The following TMEM144 variants were observed in gnomAD, a reference collection of about 807,000 sequenced individuals.
TMEM144 encodes transmembrane protein 144.
In TMEM144, 39 loss-of-function variants were observed where a neutral mutation model predicts 43.6. The observed-to-expected ratio is 0.90, with a 90% confidence interval of 0.69 to 1.17. TMEM144 has a LOEUF of 1.17. Ranked by LOEUF, TMEM144 falls within the 50% of genes most tolerant of loss-of-function variation. The pLI is 0.00. For synonymous variants in TMEM144, 154 were observed against 133.6 expected (o/e 1.15, Z -1.06); for missense variants, 417 against 411.9 (o/e 1.01, Z -0.11).
intron 12 of TMEM144, among the ~76,000 whole-genome samples, chr4:158,247,889 T>C (rs529238221): frequency 6.8e-6 from 1 of 146,642 alleles, no homozygotes; most frequent in South Asian, 2.2e-4. Context: ...GAGTAGGTCC[T>C]AAAGTTTGGC....
chr4:158,221,498 A>C (rs907171722), intron 6 of TMEM144, among the ~76,000 whole-genome samples: 11 of 152,230 alleles, frequency 7.2e-5, no homozygotes, highest in Non-Finnish European at 1.3e-4. Context: ...AGCAGAGCTG[A>C]CACCAAGAAA....
chr4:158,252,279 C>T (rs1251922624), intron 12 of TMEM144, among the ~76,000 whole-genome samples: 2 of 152,172 alleles, frequency 1.3e-5, no homozygotes, highest in East Asian at 3.9e-4. Context: ...GCACCCCATA[C>T]ATAACTGAGC....
intron 6 of TMEM144, among the ~76,000 whole-genome samples, chr4:158,221,712 T>C (rs914011937): frequency 3.3e-5 from 5 of 152,228 alleles, no homozygotes; most frequent in African/African-American, 1.2e-4. Flanking sequence ...TCTATTATTT[T>C]ACCTTGTGAG....
intron 12 of TMEM144, among the ~76,000 whole-genome samples, chr4:158,249,344 T>A (rs1736063431): frequency 6.6e-6 from 1 of 152,244 alleles, no homozygotes; most frequent in Non-Finnish European, 1.5e-5. Flanking sequence ...CACAGGCAGT[T>A]ACTACCACAA....
chr4:158,253,486 A>T lies in TMEM144; in HGVS notation c.997A>T (p.Ile333Phe). The T allele has an allele frequency of 6.2e-7, 1 of 1,613,894 alleles. No individual in the cohort carries two copies. Among genetic ancestry groups the T allele is most frequent in the Non-Finnish European group, 8.5e-7 (1 of 1,179,888 alleles). ...ATTAATGATACTTGCATTTTGCATCATCTTGACTGGAGCCTTATGCACTGC... is the reference window on the plus strand; with the variant it reads ...ATTAATGATACTTGCATTTTGCATCTTCTTGACTGGAGCCTTATGCACTGC... ...YLLMILAFCI[I>F]LTGALCTAFS... Residue 333 changes from isoleucine (I) to phenylalanine (F), a missense_variant, in exon 13 of 13, where the codon ATC becomes TTC. Transcript: ENST00000296529.
At chr4:158,247,807 TA>T (rs1223963684) in intron 12 of TMEM144, among the ~76,000 whole-genome samples, 5 of 151,914 alleles carry the variant, frequency 3.3e-5, no homozygotes, top group Non-Finnish European at 7.4e-5. Flanking sequence ...CTGTTATAAT[TA>T]GGTAGTTCTC....
intron 6 of TMEM144, among the ~76,000 whole-genome samples, chr4:158,226,365 G>A (rs1734767444): frequency 6.6e-6 from 1 of 152,118 alleles, no homozygotes; most frequent in Non-Finnish European, 1.5e-5. Context: ...AGAGCAGGTT[G>A]GTGATTTAGG....
intron 6 of TMEM144, among the ~76,000 whole-genome samples, chr4:158,224,462 A>C (rs1171223274): frequency 6.6e-6 from 1 of 152,184 alleles, no homozygotes; most frequent in Non-Finnish European, 1.5e-5. Flanking sequence ...AACTGTGGTC[A>C]TGGGAGGCTC....
rs769297232 is a variant in TMEM144, at chr4:158,237,547, T to A, written c.586T>A (p.Ser196Thr). Residue 196 changes from serine (S) to threonine (T), a missense_variant, in exon 9 of 13, where the codon TCT becomes ACT. Physicochemically the swap from Ser to Thr is moderately conservative, Grantham distance 58. Coordinates refer to ENST00000296529, the MANE Select transcript of TMEM144 (RefSeq NM_018342.5). ...AAGGGGCTGCAGTCTTGCAGTGATA[T>A]CTGGAGTACTCTATGGATCTACATT... Reference protein sequence around the residue: ...RIVGCSLAVISGVLYGSTFVP... With the variant: ...RIVGCSLAVITGVLYGSTFVP... 2.5e-6 allele frequency: 4 copies of A among 1,613,444 alleles called. No individual in the cohort carries two copies. In the African/African-American group the frequency reaches 5.3e-5, roughly 22 times the overall value.
intron 12 of TMEM144, among the ~76,000 whole-genome samples, chr4:158,250,619 C>T (rs1032747413): frequency 1.3e-5 from 2 of 152,222 alleles, no homozygotes; most frequent in African/African-American, 4.8e-5. Context: ...GAACCACCCT[C>T]TACCCTCTGA....
At chr4:158,213,250 CAAATATCG>C in intron 3 of TMEM144, 1 of 158,730 alleles carries the variant, frequency 6.3e-6, no homozygotes, top group Non-Finnish European at 1.4e-5. Flanking sequence ...GTACAATCTT[CAAATATCG>C]ACCAGCTCCC....
At chr4:158,253,374 T>C (rs568349840) in intron 12 of TMEM144, 70 bp from the exon 13 acceptor site, 1 of 1,346,404 alleles carries the variant, frequency 7.4e-7, no homozygotes, top group African/African-American at 1.4e-5. Flanking sequence ...CTAGCAATCT[T>C]GAGAGTCTGT....
rs1425863020 is a variant in TMEM144 at position 158,232,927 on chromosome 4, G to A, written c.440G>A (p.Ser147Asn). Residue 147 changes from serine (S) to asparagine (N), a missense_variant, in exon 7 of 13, where the codon AGT becomes AAT. Physicochemically the swap from Ser to Asn is conservative, Grantham distance 46. Transcript: ENST00000296529. The part of the protein sequence containing the change: ...VSAFIFLFIK[S>N]EIPNNTCSMD... ...GCTTTCATATTTTTGTTCATCAAAAGTGAAATACCAAATAACACGTGTTCC... is the reference window on the plus strand; with the variant it reads ...GCTTTCATATTTTTGTTCATCAAAAATGAAATACCAAATAACACGTGTTCC... 1 of 1,611,620 alleles carries A rather than the reference G, an allele frequency of 6.2e-7. No individual in the cohort carries two copies. The highest frequency in any genetic ancestry group is 1.3e-5 in the African/African-American group (1 of 74,794).
rs1354622522 is a variant in TMEM144 at position 158,253,435 on chromosome 4, C to T, written c.955-9C>T. Reference sequence around the variant, plus strand: ...TTATTCATCACTGTTATTCTTTTTTCTTATTCAGGGTCTACAAAACTACCT... The same window carrying T: ...TTATTCATCACTGTTATTCTTTTTTTTTATTCAGGGTCTACAAAACTACCT... On this transcript the variant is annotated splice_polypyrimidine_tract_variant and intron_variant, in intron 12 of 12. Coordinates refer to ENST00000296529, the MANE Select transcript of TMEM144 (RefSeq NM_018342.5). 1 of 1,604,858 alleles carries T rather than the reference C, an allele frequency of 6.2e-7. No individual in the cohort carries two copies. Among genetic ancestry groups the T allele is most frequent in the Non-Finnish European group, 8.5e-7 (1 of 1,174,866 alleles).
At chr4:158,229,847 T>C (rs1734981068) in intron 6 of TMEM144, among the ~76,000 whole-genome samples, 1 of 152,226 alleles carries the variant, frequency 6.6e-6, no homozygotes, top group African/African-American at 2.4e-5. Context: ...CCTCCCTGGC[T>C]CCGGCAGTGG....
rs1349984144 is a variant in TMEM144 at position 158,212,674 on chromosome 4, A to G, written c.7A>G (p.Asn3Asp). Residue 3 changes from asparagine (N) to aspartate (D), a missense_variant, in exon 3 of 13, where the codon AAC becomes GAC. By Grantham distance (23) the Asn-to-Asp change is conservative. Transcript: ENST00000296529. Reference protein sequence around the residue: MSNNGADLTFGYI... With the variant: MSDNGADLTFGYI... ...ACTCATTAAGACTGGAATCATGAGCAACAATGGAGCAGACCTAACCTTTGG... is the reference window on the plus strand; with the variant it reads ...ACTCATTAAGACTGGAATCATGAGCGACAATGGAGCAGACCTAACCTTTGG... 4 of 1,609,082 alleles carry G rather than the reference A, an allele frequency of 2.5e-6. No individual in the cohort carries two copies. In the African/African-American group the frequency reaches 5.4e-5, roughly 22 times the overall value.
chr4:158,250,844 C>T (rs946664052), intron 12 of TMEM144, among the ~76,000 whole-genome samples: 2 of 152,192 alleles, frequency 1.3e-5, no homozygotes, highest in Admixed American at 1.3e-4. Flanking sequence ...TCAGTCAACT[C>T]TTGCACCAAA....
intron 4 of TMEM144, among the ~76,000 whole-genome samples, chr4:158,216,474 A>G (rs1457433616): frequency 1.3e-5 from 2 of 152,222 alleles, no homozygotes; most frequent in African/African-American, 2.4e-5. Flanking sequence ...CTGAGCATGA[A>G]CATCCCGATG....
intron 6 of TMEM144, among the ~76,000 whole-genome samples, chr4:158,231,413 C>T (rs74616579): frequency 2.6e-5 from 4 of 152,156 alleles, no homozygotes; most frequent in Admixed American, 6.5e-5. Context: ...GTACTCAGCA[C>T]GCCGAAGTGC....
Sources: gnomAD v4.1 joint callset for allele counts (sites outside exome capture counted in the v4.1 genomes callset) on GRCh38, gnomAD v4.1.1 for gene constraint, MANE v1.5 for transcripts, NCBI Gene and HGNC (gene_info 2026-07-23, HGNC 2026-07-21) for gene names.